Variants in SIK2 observed in about 807,000 individuals in gnomAD.
SIK2 encodes serine/threonine-protein kinase SIK2.
SIK2 carries 29 observed loss-of-function variants against 103.2 expected under a neutral mutation model. That is an observed-to-expected ratio of 0.28 (90% CI 0.21 to 0.38). The LOEUF (loss-of-function observed/expected upper bound fraction) is 0.38, where lower values mean the gene tolerates loss of function less well. SIK2 is among the 10% of genes least tolerant of loss of function. SIK2 has a pLI of 1.00. For synonymous variants in SIK2, 412 were observed against 446.1 expected (o/e 0.92, Z 0.96); for missense variants, 879 against 1,171.0 (o/e 0.75, Z 3.64).
chr11:111,666,024 A>C (rs1452140645), intron 3 of SIK2, among the ~76,000 whole-genome samples: 1 of 152,220 alleles, frequency 6.6e-6, no homozygotes, highest in Non-Finnish European at 1.5e-5. Flanking sequence ...TGACTACTGC[A>C]CTAGCATGAA....
At chr11:111,627,295 C>T (rs1383339402) in intron 3 of SIK2, among the ~76,000 whole-genome samples, 1 of 152,090 alleles carries the variant, frequency 6.6e-6, no homozygotes, top group African/African-American at 2.4e-5. Flanking sequence ...AGGGGACTTT[C>T]AGCGGTTTCA....
intron 3 of SIK2, among the ~76,000 whole-genome samples, chr11:111,675,060 T>A (rs535310168): frequency 3.9e-5 from 6 of 152,224 alleles, no homozygotes; most frequent in African/African-American, 1.4e-4. Flanking sequence ...TCTACTGTGA[T>A]AATGTTACAT....
At chr11:111,655,265 G>A (rs1942377147) in intron 3 of SIK2, among the ~76,000 whole-genome samples, 1 of 152,150 alleles carries the variant, frequency 6.6e-6, no homozygotes, top group South Asian at 2.1e-4. Context: ...AGCCGGGCAT[G>A]GTGCTGCATG....
chr11:111,720,007 C>T lies in SIK2; in HGVS notation c.1495+4C>T, dbSNP rs1223411628. ...CTGGTCGTGATGCCTGGGGCAGGTA[C>T]GGTAGAGGAGCGACACTAGCTTGAG... On this transcript the variant is annotated splice_donor_region_variant and intron_variant, in intron 10 of 14. Coordinates refer to ENST00000304987, the MANE Select transcript of SIK2 (RefSeq NM_015191.3). The T allele has an allele frequency of 3.7e-6, 6 of 1,611,310 alleles. No individual in the cohort carries two copies. The highest frequency in any genetic ancestry group is 4.2e-6 in the Non-Finnish European group (5 of 1,178,684).
intron 9 of SIK2, among the ~76,000 whole-genome samples, chr11:111,715,951 G>C (rs1200536489): frequency 6.6e-6 from 1 of 151,830 alleles, no homozygotes; most frequent in Non-Finnish European, 1.5e-5. Flanking sequence ...ACAGGCGCCT[G>C]CCACCACACC....
chr11:111,720,655 C>T lies in SIK2; in HGVS notation c.1673C>T (p.Thr558Ile). 6.2e-7 allele frequency: 1 copy of T among 1,614,108 alleles called. No individual in the cohort carries two copies. Residue 558 changes from threonine to isoleucine, a missense_variant, in exon 11 of 15, where the codon ACC becomes ATC. Coordinates refer to ENST00000304987, the MANE Select transcript of SIK2 (RefSeq NM_015191.3). ...TCTCCCTTCATAAGCCTGAGACCTA[C>T]CAACCCAGCCATGCAGGCTCTGAGC... Reference protein sequence around the residue: ...MTSPFISLRPTNPAMQALSSQ... With the variant: ...MTSPFISLRPINPAMQALSSQ...
At chr11:111,644,402 G>GT (rs1464282933) in intron 3 of SIK2, among the ~76,000 whole-genome samples, 2 of 151,474 alleles carry the variant, frequency 1.3e-5, no homozygotes, top group African/African-American at 4.8e-5. Context: ...AAAAAAAAAG[G>GT]TTTTTTTCAA....
intron 1 of SIK2, among the ~76,000 whole-genome samples, chr11:111,610,906 C>T (rs1158585082): frequency 6.6e-6 from 1 of 152,106 alleles, no homozygotes; most frequent in Non-Finnish European, 1.5e-5. Flanking sequence ...ATACCTTATG[C>T]TGAGACTGCA....
At chr11:111,613,306 C>G (rs535959899) in intron 1 of SIK2, among the ~76,000 whole-genome samples, 1 of 151,838 alleles carries the variant, frequency 6.6e-6, no homozygotes, top group Non-Finnish European at 1.5e-5. Context: ...AACCATAATC[C>G]CTTCTTTCCA....
rs1014282139 is a variant in SIK2 at position 111,701,129 on chromosome 11, C to A, written c.603+119C>A. ...AAGCAGTATTTCATATTTTCCCCATCCACTGGACTATAATTACTCAGAGCA... is the reference window on the plus strand; with the variant it reads ...AAGCAGTATTTCATATTTTCCCCATACACTGGACTATAATTACTCAGAGCA... On this transcript the variant is annotated intron_variant, in intron 5 of 14. Coordinates refer to ENST00000304987, the MANE Select transcript of SIK2 (RefSeq NM_015191.3). The surrounding 1 kb of genome is among the most constrained non-coding windows in gnomAD (Gnocchi z 4.2). 3.8e-6 allele frequency: 5 copies of A among 1,306,098 alleles called. No individual in the cohort carries two copies. The African/African-American group carries it at 5.9e-5, about 15-fold the overall frequency. 80.9% of individuals were successfully genotyped at this position (1,306,098 alleles called of 1,614,324 possible). A position where few individuals can be genotyped will look rare whatever the true frequency, so the allele number is the denominator to read the frequency against.
chr11:111,651,581 G>A (rs1406980615), intron 3 of SIK2, among the ~76,000 whole-genome samples: 1 of 152,120 alleles, frequency 6.6e-6, no homozygotes, highest in African/African-American at 2.4e-5. Context: ...ATGCATGCAG[G>A]GCTTAATACC....
chr11:111,705,807 A>G lies in SIK2; in HGVS notation c.1101+668A>G, dbSNP rs1423250916. ...TTCTATCGATGCTTTAAGCTAATTAATCTGGTAGCATTATGAAGGATGGGT... is the reference window on the plus strand; with the variant it reads ...TTCTATCGATGCTTTAAGCTAATTAGTCTGGTAGCATTATGAAGGATGGGT... On this transcript the variant is annotated intron_variant, in intron 8 of 14. Coordinates refer to ENST00000304987, the MANE Select transcript of SIK2 (RefSeq NM_015191.3). This position sits in a 1 kb window ranked among gnomAD's most constrained non-coding sequence, Gnocchi z 4.3. 6.6e-6 allele frequency among the ~76,000 whole-genome samples: 1 copy of G among 152,254 alleles called. No individual in the cohort carries two copies. The highest frequency in any genetic ancestry group is 6.5e-5 in the Admixed American group (1 of 15,286).
intron 3 of SIK2, among the ~76,000 whole-genome samples, chr11:111,653,473 G>T (rs1259185199): frequency 6.6e-6 from 1 of 152,146 alleles, no homozygotes. Context: ...CAGAAGGCAA[G>T]AAAAGAGAAG....
intron 3 of SIK2, among the ~76,000 whole-genome samples, chr11:111,649,037 C>G (rs1942295035): frequency 6.6e-6 from 1 of 152,182 alleles, no homozygotes; most frequent in Non-Finnish European, 1.5e-5. Context: ...ATACTTTTTA[C>G]TCTTTCCTAA....
At chr11:111,717,630 G>GCATGTATCTTT (rs1299533028) in intron 9 of SIK2, among the ~76,000 whole-genome samples, 1 of 152,182 alleles carries the variant, frequency 6.6e-6, no homozygotes, top group Non-Finnish European at 1.5e-5. Flanking sequence ...CTATTATAAA[G>GCATGTATCTTT]ATACATGCAT....
intron 3 of SIK2, among the ~76,000 whole-genome samples, chr11:111,632,520 T>G (rs933388711): frequency 5.3e-5 from 8 of 152,170 alleles, no homozygotes; most frequent in Admixed American, 4.6e-4. Flanking sequence ...ACATAAACTA[T>G]GTCATTTCAT....
intron 9 of SIK2, among the ~76,000 whole-genome samples, chr11:111,713,788 G>A (rs756505705): frequency 3.3e-5 from 5 of 152,154 alleles, no homozygotes; most frequent in African/African-American, 1.2e-4. Flanking sequence ...CCAACATGGC[G>A]AAACTCCGTC....
At chr11:111,686,000 C>G (rs1487657779) in intron 3 of SIK2, among the ~76,000 whole-genome samples, 2 of 152,212 alleles carry the variant, frequency 1.3e-5, no homozygotes, top group Non-Finnish European at 2.9e-5. Flanking sequence ...AGCCAGATTA[C>G]TTAATCCCTC....
intron 3 of SIK2, chr11:111,672,363 G>A (rs375640425): frequency 3.6e-4 from 190 of 529,484 alleles, no homozygotes; most frequent in Admixed American, 8.8e-4. Flanking sequence ...AGGGGCCAGA[G>A]GTGGACACCT....
Sources: gnomAD v4.1 joint callset for allele counts (sites outside exome capture counted in the v4.1 genomes callset) on GRCh38, gnomAD v4.1.1 for gene constraint, Gnocchi (gnomAD v3.1) non-coding constraint, MANE v1.5 for transcripts, NCBI Gene and HGNC (gene_info 2026-07-23, HGNC 2026-07-21) for gene names.